Variants in FCHSD2 observed in about 807,000 individuals in gnomAD.
The protein encoded by FCHSD2 is FCH and double SH3 domains 2.
A neutral mutation model predicts 108.1 loss-of-function variants in FCHSD2; 38 were observed. The ratio of observed to expected loss-of-function variants is 0.35; its 90% CI spans 0.27 to 0.46. FCHSD2 has a LOEUF of 0.46. Ranked by LOEUF, FCHSD2 falls within the 20% of genes least tolerant of loss-of-function variation. The probability of loss-of-function intolerance (pLI) is 1.00; values close to 1 mark genes in which losing one functional copy is unlikely to be tolerated. For missense variants in FCHSD2, 751 were observed against 897.8 expected (o/e 0.84, Z 2.09); for synonymous variants, 279 against 314.7 (o/e 0.89, Z 1.20).
At chr11:72,932,703 AC>A (rs1463834821) in intron 8 of FCHSD2, among the ~76,000 whole-genome samples, 1 of 152,180 alleles carries the variant, frequency 6.6e-6, no homozygotes, top group African/African-American at 2.4e-5. Context: ...ATCATAGCAT[AC>A]AACCTCATAC....
intron 13 of FCHSD2, among the ~76,000 whole-genome samples, chr11:72,867,340 T>G (rs1339523629): frequency 6.6e-6 from 1 of 152,130 alleles, no homozygotes; most frequent in Non-Finnish European, 1.5e-5. Flanking sequence ...GTAAGGAGAC[T>G]TAAGCTGTGT....
At chr11:72,996,752 T>C (rs571144644) in intron 5 of FCHSD2, among the ~76,000 whole-genome samples, 1 of 152,270 alleles carries the variant, frequency 6.6e-6, no homozygotes, top group South Asian at 2.1e-4. Context: ...ACTACCTTTC[T>C]CTAGACTGGA....
At chr11:73,095,575 A>G (rs185253195) in intron 2 of FCHSD2, among the ~76,000 whole-genome samples, 1 of 152,344 alleles carries the variant, frequency 6.6e-6, no homozygotes, top group African/African-American at 2.4e-5. Context: ...ATATAAGGGA[A>G]TGATATGCTA....
rs527734343 is a variant in FCHSD2, at chr11:73,054,839, T to C, written c.165+28856A>G. 2.5e-4 allele frequency among the ~76,000 whole-genome samples: 38 copies of C among 152,236 alleles called. No homozygotes were observed. The South Asian group carries it at 4.1e-3, about 17-fold the overall frequency. ...CTACAGACATGTGGGCCTGGTGGCATGTGCCTGTAATCTCAGCTACTGGGG... is the reference window on the plus strand; with the variant it reads ...CTACAGACATGTGGGCCTGGTGGCACGTGCCTGTAATCTCAGCTACTGGGG... On this transcript the variant is annotated intron_variant, in intron 3 of 19. Transcript: ENST00000409418.
chr11:73,119,108 C>A (rs1860672318), intron 2 of FCHSD2, among the ~76,000 whole-genome samples: 1 of 152,074 alleles, frequency 6.6e-6, no homozygotes, highest in East Asian at 1.9e-4. Context: ...TCGGGGCTAT[C>A]CTGGGCAACA....
intron 3 of FCHSD2, among the ~76,000 whole-genome samples, chr11:73,060,152 T>C (rs534593494): frequency 1.5e-3 from 228 of 152,310 alleles, no homozygotes; most frequent in Non-Finnish European, 2.6e-3. Context: ...AGTCACCCAA[T>C]AGATTCATTG....
At chr11:73,079,839 C>T (rs1297011286) in intron 3 of FCHSD2, among the ~76,000 whole-genome samples, 1 of 151,918 alleles carries the variant, frequency 6.6e-6, no homozygotes, top group Admixed American at 6.6e-5. Flanking sequence ...TATAAATGGG[C>T]TCGATTTTCC....
Position 72,905,349 on chromosome 11 carries a change from T to A in FCHSD2, c.829-2711A>T, listed in dbSNP as rs75327146. ...TACATAAGATATTTTGATACAGGAC[T>A]ACAATGTGTAATAATCATATCAAGG... On this transcript the variant is annotated intron_variant, in intron 9 of 19. Transcript: ENST00000409418. Among the ~76,000 whole-genome samples the A allele has an allele frequency of 1.5e-4, 23 of 152,338 alleles. No homozygotes were observed. The East Asian group carries it at 4.2e-3, about 28-fold the overall frequency.
At chr11:73,082,335 C>CAAAAAAAAAAAAAAAAAA (rs750423401) in intron 3 of FCHSD2, among the ~76,000 whole-genome samples, 2 of 34,460 alleles carry the variant, frequency 5.8e-5, no homozygotes, top group Non-Finnish European at 1.1e-4. Context: ...AGACTTGTCC[C>CAAAAAAAAAAAAAAAAAA]AAAAAAAAAA....
intron 3 of FCHSD2, among the ~76,000 whole-genome samples, chr11:73,059,611 CAAAATTAGTCTATG>C (rs1359747732): frequency 6.6e-6 from 1 of 152,130 alleles, no homozygotes; most frequent in Non-Finnish European, 1.5e-5. Context: ...AGAGGAAAAG[CAAAATTAGTCTATG>C]AAAATTCAAG....
chr11:72,970,656 G>A lies in FCHSD2; in HGVS notation c.705+13432C>T, dbSNP rs77836591. 5.8e-3 allele frequency among the ~76,000 whole-genome samples: 880 copies of A among 152,184 alleles called. 4 individuals carry two copies. The highest frequency in any genetic ancestry group is 0.014 in the South Asian group (68 of 4,818). On this transcript the variant is annotated intron_variant, in intron 8 of 19. Transcript: ENST00000409418. ...CCTTTTCATAAAAGTCCATCCCTGT[G>A]AAATGCCACTGTCTGCTGCCACAGC...
At chr11:72,929,376 C>T (rs1211191762) in intron 8 of FCHSD2, among the ~76,000 whole-genome samples, 3 of 152,188 alleles carry the variant, frequency 2.0e-5, no homozygotes, top group Non-Finnish European at 4.4e-5. Context: ...TAATTACCAC[C>T]TCTGCAAGGC....
intron 8 of FCHSD2, among the ~76,000 whole-genome samples, chr11:72,943,084 C>T (rs965179445): frequency 2.6e-5 from 4 of 152,144 alleles, no homozygotes; most frequent in East Asian, 3.8e-4. Context: ...CTCCGCCTCC[C>T]GGGTTCAAGT....
At chr11:72,896,815 A>AT (rs1447163365) in intron 10 of FCHSD2, among the ~76,000 whole-genome samples, 1 of 133,572 alleles carries the variant, frequency 7.5e-6, no homozygotes, top group Non-Finnish European at 1.6e-5. Flanking sequence ...TGCCTTGTGG[A>AT]TTTTTGTTTT....
At chr11:73,024,798 A>G (rs773862192) in intron 3 of FCHSD2, among the ~76,000 whole-genome samples, 2 of 152,200 alleles carry the variant, frequency 1.3e-5, no homozygotes, top group Non-Finnish European at 2.9e-5. Flanking sequence ...TTACAGGGAA[A>G]AAAACAACAA....
rs148870698 is a variant in FCHSD2, at chr11:73,015,579, C to T, written c.242+230G>A. Among the ~76,000 whole-genome samples the T allele has an allele frequency of 1.5e-3, 232 of 152,096 alleles. 1 individual carries two copies. The highest frequency in any genetic ancestry group is 5.2e-3 in the African/African-American group (217 of 41,474). Reference sequence around the variant, plus strand: ...TATAATTAATTATATAAAATATAATCTTGGCTTATATAAGACATGAAAATG... The same window carrying T: ...TATAATTAATTATATAAAATATAATTTTGGCTTATATAAGACATGAAAATG... On this transcript the variant is annotated intron_variant, in intron 4 of 19. Transcript: ENST00000409418.
chr11:73,009,686 GT>G (rs537596679), intron 4 of FCHSD2, among the ~76,000 whole-genome samples: 2,761 of 148,944 alleles, frequency 0.019, 36 homozygotes, highest in Non-Finnish European at 0.022. Context: ...TTGGTTGGTA[GT>G]TTTTTTTTTC....
At chr11:72,883,629 C>T (rs1855134778) in intron 12 of FCHSD2, among the ~76,000 whole-genome samples, 1 of 152,132 alleles carries the variant, frequency 6.6e-6, no homozygotes. Context: ...ACTCAAATGG[C>T]TAAGTTTAAA....
At position 72,843,124 on chromosome 11, in the gene FCHSD2, TAA is replaced by T. The variant is rs1332719484; in HGVS notation, c.1705+25_1705+26del. The T allele has an allele frequency of 5.6e-6, 9 of 1,611,392 alleles. No individual in the cohort carries two copies. The African/African-American group carries it at 1.1e-4, about 19-fold the overall frequency. ...ACAGTTTAGGTCAAACGTGACCAAA[TAA>T]AGAGTGCCTTGTTTCAGTCTTTACC... On this transcript the variant is annotated intron_variant, in intron 16 of 19. Transcript: ENST00000409418.
Sources: allele counts gnomAD v4.1 joint callset (sites outside exome capture counted in the v4.1 genomes callset), GRCh38; gene constraint gnomAD v4.1.1; transcripts MANE v1.5; gene names NCBI Gene and HGNC (gene_info 2026-07-23, HGNC 2026-07-21).